PGCKA1: variants seen among roughly 807,000 people sequenced by gnomAD.
The protein encoded by PGCKA1 is PDCD10 and GCKIII kinases-associated protein 1.
the PGCKA1 span, among the ~76,000 whole-genome samples, chr4:37,481,701 C>T: frequency 6.6e-6 from 1 of 152,138 alleles, no homozygotes; most frequent in African/African-American, 2.4e-5. Context: ...ACTTTCATTT[C>T]CTCTTTGAAG....
the PGCKA1 span, chr4:37,460,602 TTA>T: frequency 2.2e-6 from 1 of 452,748 alleles, no homozygotes; most frequent in Non-Finnish European, 4.4e-6. Context: ...TGAGCTTTTT[TTA>T]TATGTTTGTT....
At chr4:37,592,865 C>G in the PGCKA1 span, among the ~76,000 whole-genome samples, 1 of 152,190 alleles carries the variant, frequency 6.6e-6, no homozygotes, top group Non-Finnish European at 1.5e-5. Context: ...CTTTAACAAA[C>G]ATTTTTACAT....
the PGCKA1 span, among the ~76,000 whole-genome samples, chr4:37,560,149 A>T: frequency 6.6e-6 from 1 of 152,158 alleles, no homozygotes. Context: ...CCTTCATTGT[A>T]GACACTAATA....
chr4:37,536,212 C>T, the PGCKA1 span, among the ~76,000 whole-genome samples: 16 of 152,104 alleles, frequency 1.1e-4, no homozygotes, highest in East Asian at 3.9e-4. Context: ...AGGGGCACAG[C>T]GGGCCAAAAG....
chr4:37,589,033 T>C, the PGCKA1 span: 3 of 637,042 alleles, frequency 4.7e-6, no homozygotes, highest in African/African-American at 1.8e-5. Flanking sequence ...CATTAAGAGT[T>C]TGGAATTGTT....
At chr4:37,453,769 A>G in the PGCKA1 span, among the ~76,000 whole-genome samples, 1 of 151,912 alleles carries the variant, frequency 6.6e-6, no homozygotes, top group African/African-American at 2.4e-5. Flanking sequence ...GGCCCCGGGG[A>G]TGTCGGACAT....
chr4:37,499,009 G>C, the PGCKA1 span, among the ~76,000 whole-genome samples: 1 of 152,146 alleles, frequency 6.6e-6, no homozygotes, highest in Non-Finnish European at 1.5e-5. Context: ...TCAATGCCTA[G>C]TTTATTGAGA....
At chr4:37,487,286 A>G in the PGCKA1 span, among the ~76,000 whole-genome samples, 5 of 152,168 alleles carry the variant, frequency 3.3e-5, no homozygotes, top group African/African-American at 7.2e-5. Context: ...TACATGAACT[A>G]CACTCACCAC....
the PGCKA1 span, among the ~76,000 whole-genome samples, chr4:37,582,684 G>A: frequency 1.3e-5 from 2 of 152,192 alleles, no homozygotes; most frequent in African/African-American, 4.8e-5. Context: ...GTGAGGCTAA[G>A]TTCTCAGTGC....
the PGCKA1 span, among the ~76,000 whole-genome samples, chr4:37,465,740 G>A: frequency 2.0e-5 from 3 of 152,032 alleles, no homozygotes; most frequent in African/African-American, 4.8e-5. Flanking sequence ...ACTTGGTCTC[G>A]GGTTCGATTC....
the PGCKA1 span, chr4:37,590,946 C>A: frequency 3.1e-6 from 5 of 1,613,844 alleles, no homozygotes; most frequent in East Asian, 2.2e-5. Context: ...TGGCGGAGGC[C>A]CTTGCAGCTT....
At chr4:37,463,393 A>G in the PGCKA1 span, among the ~76,000 whole-genome samples, 2 of 152,314 alleles carry the variant, frequency 1.3e-5, no homozygotes, top group East Asian at 1.9e-4. Flanking sequence ...TGCAGTTACA[A>G]TTTATCTGCA....
At chr4:37,492,046 CT>C in the PGCKA1 span, among the ~76,000 whole-genome samples, 4 of 147,588 alleles carry the variant, frequency 2.7e-5, no homozygotes, top group East Asian at 4.0e-4. The surrounding 1 kb of genome is among the most constrained non-coding windows in gnomAD (Gnocchi z 4.7). Context: ...ATTATTTTTT[CT>C]TTTTTTTTTC....
chr4:37,465,720 C>T, the PGCKA1 span, among the ~76,000 whole-genome samples: 1 of 152,158 alleles, frequency 6.6e-6, no homozygotes, highest in Admixed American at 6.5e-5. Context: ...ACCATCCTCA[C>T]AGCCTCAACA....
the PGCKA1 span, among the ~76,000 whole-genome samples, chr4:37,542,303 A>G: frequency 6.6e-6 from 1 of 152,162 alleles, no homozygotes; most frequent in African/African-American, 2.4e-5. Flanking sequence ...TGTCCCCAAC[A>G]CCTGTGGGTG....
the PGCKA1 span, among the ~76,000 whole-genome samples, chr4:37,478,519 G>A: frequency 3.3e-5 from 5 of 152,264 alleles, no homozygotes; most frequent in South Asian, 2.1e-4. Flanking sequence ...AATACTTCCC[G>A]TTGTTTTAGA....
At chr4:37,514,509 A>G in the PGCKA1 span, among the ~76,000 whole-genome samples, 11 of 152,220 alleles carry the variant, frequency 7.2e-5, no homozygotes, top group African/African-American at 1.7e-4. Flanking sequence ...CTCTCTTTCC[A>G]TGATTTTCCC....
At chr4:37,473,296 GTCTT>G in the PGCKA1 span, among the ~76,000 whole-genome samples, 1 of 152,110 alleles carries the variant, frequency 6.6e-6, no homozygotes, top group African/African-American at 2.4e-5. Context: ...TTGGGGAAAA[GTCTT>G]TAATATTTTA....
At chr4:37,588,561 TCTCCTCATCTGCAAAA>T in the PGCKA1 span, 1 of 342,228 alleles carries the variant, frequency 2.9e-6, no homozygotes, top group South Asian at 5.1e-5. Flanking sequence ...TCCACCTTCT[TCTCCTCATCTGCAAAA>T]TGGGGATGAA....
Sources: gnomAD v4.1 joint callset for allele counts (sites outside exome capture counted in the v4.1 genomes callset) on GRCh38, gnomAD v4.1.1 for gene constraint, Gnocchi (gnomAD v3.1) non-coding constraint, MANE v1.5 for transcripts, NCBI Gene and HGNC (gene_info 2026-07-23, HGNC 2026-07-21) for gene names.